The following OR2V1 variants were observed in gnomAD, a reference collection of about 807,000 sequenced individuals.
OR2V1 encodes the protein olfactory receptor 2V1.
OR2V1 carries 18 observed loss-of-function variants against 15.0 expected under a neutral mutation model. The ratio of observed to expected loss-of-function variants is 1.20; its 90% CI spans 0.83 to 1.78. OR2V1 has a LOEUF of 1.78. OR2V1 is among the 40% of genes most tolerant of loss of function. The probability of loss-of-function intolerance (pLI) is 0.00; values close to 1 mark genes in which losing one functional copy is unlikely to be tolerated. For missense variants in OR2V1, 359 were observed against 392.9 expected, an observed-to-expected ratio of 0.91 and a Z score of 0.73; for synonymous variants, 144 against 146.1, an observed-to-expected ratio of 0.99 and a Z score of 0.10.
In OR2V1 at chr5:181,125,190, C is replaced by A. The variant is rs973150977; in HGVS notation, c.115G>T (p.Ala39Ser). Residue 39 changes from alanine (A) to serine (S), a missense_variant, in exon 4 of 4, where the codon GCC (alanine) becomes TCC (serine). Coordinates refer to ENST00000641551, the MANE Select transcript of OR2V1 (RefSeq NM_001258283.2). ...ATGAGGAGGACATTCCCACAGAGGG[C>A]CACTGTGAAGACCACCATAACTGCA... ...FSAVMVVFTV[A>S]LCGNVLLIFL... The A allele has an allele frequency of 2.5e-6, 4 of 1,614,034 alleles. 1 individual carries two copies. Among genetic ancestry groups the A allele is most frequent in the East Asian group, 2.2e-5 (1 of 44,882 alleles).
rs748415697 is a variant in OR2V1 at position 181,124,829 on chromosome 5, A to G, written c.476T>C (p.Ile159Thr). 4.4e-6 allele frequency: 7 copies of G among 1,596,458 alleles called. No homozygotes were observed. In the South Asian group the frequency reaches 5.6e-5, roughly 13 times the overall value. The change falls in exon 4 of 4, where the codon ATT becomes ACT. Residue 159 changes from isoleucine (I) to threonine (T), a missense_variant. Coordinates refer to ENST00000641551, the MANE Select transcript of OR2V1 (RefSeq NM_001258283.2). ...SWAFGIIDGV[I>T]QMVAAMGLPY... is the part of the protein sequence containing the mutation. ...TAAGCCCATGGCTGCCACCATCTGAATCACTCCATCTATTATCCCAAAGGC... is the reference window on the plus strand; with the variant it reads ...TAAGCCCATGGCTGCCACCATCTGAGTCACTCCATCTATTATCCCAAAGGC...
Position 181,123,247 on chromosome 5 carries a change from A to C in OR2V1, c.*1110T>G, listed in dbSNP as rs1056741608. 1 of 152,230 alleles carries C rather than the reference A, an allele frequency of 6.6e-6. No individual in the cohort carries two copies. Among genetic ancestry groups the C allele is most frequent in the African/African-American group, 2.4e-5 (1 of 41,438 alleles). 9.4% of individuals were successfully genotyped at this position (152,230 alleles called of 1,614,324 possible). A position where few individuals can be genotyped will look rare whatever the true frequency, so the allele number is the denominator to read the frequency against. On this transcript the variant is annotated 3_prime_UTR_variant, in exon 4 of 4. Coordinates refer to ENST00000641551, the MANE Select transcript of OR2V1 (RefSeq NM_001258283.2). ...TACTGGTAATACACTGTGAACCCCC[A>C]ACCTTTGAGACAGATATCAGTTAAT... is the stretch of plus-strand genomic sequence containing the variant.
At position 181,124,528 on chromosome 5, in the gene OR2V1, C is replaced by G. The variant is rs1449436505; in HGVS notation, c.777G>C (p.Met259Ile). The change falls in exon 4 of 4, where the codon ATG becomes ATC. Residue 259 changes from methionine to isoleucine, a missense_variant. Transcript: ENST00000641551. ...CCCGGTAGCGCCTAGGCCTCAGGTA[C>G]ATGAACATGGCTGCCCCATAGAAGA... ...VTLFYGAAMF[M>I]YLRPRRYRAP... is the part of the protein sequence containing the mutation. The G allele has an allele frequency of 6.2e-7, 1 of 1,613,494 alleles. No homozygotes were observed. Among genetic ancestry groups the G allele is most frequent in the Non-Finnish European group, 8.5e-7 (1 of 1,179,728 alleles).
intron 3 of OR2V1, among the ~76,000 whole-genome samples, chr5:181,127,392 A>G (rs1762889490): frequency 6.6e-6 from 1 of 152,206 alleles, no homozygotes; most frequent in Non-Finnish European, 1.5e-5. Context: ...GTGAGTGAAA[A>G]TGGAAGAAAC....
At chr5:181,129,085 G>A (rs539300518) in intron 3 of OR2V1, among the ~76,000 whole-genome samples, 65 of 152,224 alleles carry the variant, frequency 4.3e-4, no homozygotes, top group African/African-American at 1.4e-3. Flanking sequence ...GAGAAAATTA[G>A]CCAGGCTATT....
At position 181,125,074 on chromosome 5, in the gene OR2V1, G is replaced by C. The variant is rs768389949; in HGVS notation, c.231C>G (p.Asn77Lys). Residue 77 changes from asparagine to lysine, a missense_variant, in exon 4 of 4, where the codon AAC (asparagine) becomes AAG (lysine). By Grantham distance (94) the Asn-to-Lys change is moderately conservative. Transcript: ENST00000641551. ...LSLMDLMLVC[N>K]IVPKMAANFL... ...AGTTGGCTGCCATCTTTGGCACAAT[G>C]TTACAGACCAACATGAGGTCCATGA... is the stretch of plus-strand genomic sequence containing the variant. 4 of 1,614,134 alleles carry C rather than the reference G, an allele frequency of 2.5e-6. No individual in the cohort carries two copies. The highest frequency in any genetic ancestry group is 1.3e-5 in the African/African-American group (1 of 74,950).
At position 181,124,678 on chromosome 5, in the gene OR2V1, G is replaced by A; in HGVS notation, c.627C>T (p.Leu209=). ...AGGCCATGATGATGGAGAAGGGAAG[G>A]AGAAGCATGAAGACACAGCAAGCAA... The part of the protein sequence containing the change: ...LLFACCVFML[L]LPFSIIMASY... The change falls in exon 4 of 4, where the codon CTC becomes CTT. Residue 209 remains leucine, a synonymous_variant. Coordinates refer to ENST00000641551, the MANE Select transcript of OR2V1 (RefSeq NM_001258283.2). 6.2e-7 allele frequency: 1 copy of A among 1,613,244 alleles called. No individual in the cohort carries two copies. The highest frequency in any genetic ancestry group is 1.1e-5 in the South Asian group (1 of 91,074).
chr5:181,127,424 C>T (rs759290743), intron 3 of OR2V1, among the ~76,000 whole-genome samples: 3 of 152,178 alleles, frequency 2.0e-5, no homozygotes, highest in African/African-American at 2.4e-5. Flanking sequence ...CTTACAAAGA[C>T]GAGGACCTGC....
Position 181,124,836 on chromosome 5 carries a change from C to A in OR2V1, c.469G>T (p.Gly157Ter). Residue 157 changes from glycine (G) to a stop codon, truncating the protein, a stop_gained, in exon 4 of 4, where the codon GGA becomes TGA. Transcript: ENST00000641551. LOFTEE classifies it high-confidence loss of function. ...GSSWAFGIID[G>*]VIQMVAAMGL... ...ATGGCTGCCACCATCTGAATCACTC[C>A]ATCTATTATCCCAAAGGCCCAGGAG... 1.3e-6 allele frequency: 2 copies of A among 1,598,024 alleles called. No individual in the cohort carries two copies. The highest frequency in any genetic ancestry group is 4.5e-5 in the East Asian group (2 of 44,418).
chr5:181,129,957 A>G (rs1366727994), intron 2 of OR2V1, among the ~76,000 whole-genome samples: 2 of 152,328 alleles, frequency 1.3e-5, no homozygotes, highest in Admixed American at 6.5e-5. Context: ...AGGTGGGTCA[A>G]AGGAAGAGAA....
chr5:181,130,183 G>C lies in OR2V1; in HGVS notation c.-88C>G. ...AAGACCCTCACTCACCTGTGGGTGG[G>C]TCCCTGCAGGGGAACAAACTCAGCA... On this transcript the variant is annotated 5_prime_UTR_variant, in exon 2 of 4. Coordinates refer to ENST00000641551, the MANE Select transcript of OR2V1 (RefSeq NM_001258283.2). 2.5e-6 allele frequency: 1 copy of C among 398,748 alleles called. No homozygotes were observed. The highest frequency in any genetic ancestry group is 4.4e-6 in the Non-Finnish European group (1 of 226,130). 24.7% of individuals were successfully genotyped at this position (398,748 alleles called of 1,614,324 possible).
At chr5:181,126,781 G>A (rs1010987183) in intron 3 of OR2V1, among the ~76,000 whole-genome samples, 6 of 151,698 alleles carry the variant, frequency 4.0e-5, no homozygotes, top group African/African-American at 1.5e-4. Flanking sequence ...CATATACACA[G>A]ACACACATAG....
chr5:181,124,506 G>A lies in OR2V1; in HGVS notation c.799C>T (p.Arg267Trp), dbSNP rs764024238. 3.1e-6 allele frequency: 5 copies of A among 1,613,648 alleles called. No individual in the cohort carries two copies. The highest frequency in any genetic ancestry group is 1.7e-5 in the Admixed American group (1 of 59,990). ...GCCACCTTGTCATGGCTAGGGGCCC[G>A]GTAGCGCCTAGGCCTCAGGTACATG... ...MFMYLRPRRYRAPSHDKVASI... is the reference protein window; with the variant it reads ...MFMYLRPRRYWAPSHDKVASI... Residue 267 changes from arginine (R) to tryptophan (W), a missense_variant, in exon 4 of 4, where the codon CGG (arginine) becomes TGG (tryptophan). Transcript: ENST00000641551.
intron 3 of OR2V1, 78 bp from the exon 4 acceptor site, chr5:181,125,403 G>A: frequency 1.8e-6 from 2 of 1,091,098 alleles, no homozygotes; most frequent in Non-Finnish European, 1.3e-6. Flanking sequence ...AACAGCGTAT[G>A]CTCTGAGAGA....
chr5:181,123,683 A>G lies in OR2V1; in HGVS notation c.*674T>C, dbSNP rs1398028163. The G allele has an allele frequency of 6.6e-6, 1 of 152,196 alleles. No homozygotes were observed. Among genetic ancestry groups the G allele is most frequent in the African/African-American group, 2.4e-5 (1 of 41,430 alleles). 9.4% of individuals were successfully genotyped at this position (152,196 alleles called of 1,614,324 possible). A position where few individuals can be genotyped will look rare whatever the true frequency, so the allele number is the denominator to read the frequency against. Reference sequence around the variant, plus strand: ...TGGGGGCCCAAGATATCCTCCTTTCATAACACACACAAAAAAACAAGATAT... The same window carrying G: ...TGGGGGCCCAAGATATCCTCCTTTCGTAACACACACAAAAAAACAAGATAT... On this transcript the variant is annotated 3_prime_UTR_variant, in exon 4 of 4. Coordinates refer to ENST00000641551, the MANE Select transcript of OR2V1 (RefSeq NM_001258283.2).
chr5:181,130,403 C>T (rs1762946673), intron 1 of OR2V1, 188 bp from the exon 2 acceptor site: 1 of 395,144 alleles, frequency 2.5e-6, no homozygotes, highest in East Asian at 3.6e-5. Flanking sequence ...GCAAGGCTCA[C>T]ACAGACCACA....
At chr5:181,127,094 C>T (rs778703782) in intron 3 of OR2V1, among the ~76,000 whole-genome samples, 1 of 152,226 alleles carries the variant, frequency 6.6e-6, no homozygotes, top group Non-Finnish European at 1.5e-5. Flanking sequence ...CGTTTCTCCA[C>T]GGCACTGGTG....
Position 181,126,455 on chromosome 5 carries a change from C to CAGAG in OR2V1, c.-21-1131_-21-1130insCTCT, listed in dbSNP as rs1428934435. Among the ~76,000 whole-genome samples, 16 of 147,708 alleles carry CAGAG rather than the reference C, an allele frequency of 1.1e-4. 1 individual carries two copies. Among genetic ancestry groups the CAGAG allele is most frequent in the African/African-American group, 3.8e-4 (15 of 39,444 alleles). On this transcript the variant is annotated intron_variant, in intron 3 of 3. Coordinates refer to ENST00000641551, the MANE Select transcript of OR2V1 (RefSeq NM_001258283.2). ...ACACACACACACACACACACACACA[C>CAGAG]ACAGAGACACACAGACAGACACTAA... is the stretch of plus-strand genomic sequence containing the variant.
In OR2V1 at chr5:181,124,206, T is replaced by A. The variant is rs1762840916; in HGVS notation, c.*151A>T. 1 of 622,264 alleles carries A rather than the reference T, an allele frequency of 1.6e-6. No individual in the cohort carries two copies. Among genetic ancestry groups the A allele is most frequent in the African/African-American group, 1.8e-5 (1 of 54,440 alleles). The allele number at this position is 622,264 out of a possible 1,614,324, so 38.5% of individuals were successfully genotyped here. On this transcript the variant is annotated 3_prime_UTR_variant, in exon 4 of 4. Transcript: ENST00000641551. ...TTTTCCTTTTTTTTTGGTACAGAAA[T>A]GTTCATAATGGCTTTTCTCATGATG...
Sources: gnomAD v4.1 joint callset for allele counts (sites outside exome capture counted in the v4.1 genomes callset) on GRCh38, gnomAD v4.1.1 for gene constraint, MANE v1.5 for transcripts, NCBI Gene and HGNC (gene_info 2026-07-23, HGNC 2026-07-21) for gene names.